The following PRKG1 variants were observed in gnomAD, a reference collection of about 807,000 sequenced individuals.
The protein encoded by PRKG1 is cGMP-dependent protein kinase 1.
PRKG1 carries 35 observed loss-of-function variants against 88.1 expected under a neutral mutation model. The ratio of observed to expected loss-of-function variants is 0.40; its 90% confidence interval spans 0.30 to 0.53. The LOEUF is 0.53. Ranked by LOEUF, PRKG1 falls within the 20% of genes least tolerant of loss-of-function variation. PRKG1 has a pLI of 0.59. For synonymous variants in PRKG1, 303 were observed against 292.5 expected, an observed-to-expected ratio of 1.04 and a Z score of -0.37; for missense variants, 540 against 839.8, an observed-to-expected ratio of 0.64 and a Z score of 4.41.
intron 9 of PRKG1, among the ~76,000 whole-genome samples, chr10:52,172,032 G>A (rs1469734797): frequency 6.6e-6 from 1 of 151,406 alleles, no homozygotes; most frequent in East Asian, 1.9e-4. Context: ...TCGATCTCCT[G>A]ACCTCATGAT....
At position 52,004,974 on chromosome 10, in the gene PRKG1, T is replaced by A. The variant is rs200682882; in HGVS notation, c.763-49510T>A. On this transcript the variant is annotated intron_variant, in intron 5 of 17. Transcript: ENST00000373980. ...TATGATTTTTTAAAAATTTAATCAT[T>A]ATCAATATGAGTTTGCCTAAATCCC... Among the ~76,000 whole-genome samples the A allele has an allele frequency of 2.0e-5, 3 of 152,180 alleles. No homozygotes were observed. In the East Asian group the frequency reaches 5.8e-4, roughly 29 times the overall value.
chr10:51,829,541 A>C (rs1839954493), intron 4 of PRKG1, among the ~76,000 whole-genome samples: 1 of 152,196 alleles, frequency 6.6e-6, no homozygotes, highest in African/African-American at 2.4e-5. Context: ...AATATTAGGA[A>C]ATTATTGTTA....
At chr10:52,185,783 C>A (rs968010520) in intron 9 of PRKG1, among the ~76,000 whole-genome samples, 1 of 152,202 alleles carries the variant, frequency 6.6e-6, no homozygotes, top group Non-Finnish European at 1.5e-5. Flanking sequence ...ACAGGGAAGC[C>A]ACCAGGGATT....
intron 1 of PRKG1, among the ~76,000 whole-genome samples, chr10:51,136,484 G>A (rs1395521760): frequency 2.0e-5 from 3 of 150,862 alleles, no homozygotes; most frequent in African/African-American, 7.3e-5. Flanking sequence ...TTAGAATAGA[G>A]CCCTGGGATC....
At chr10:51,980,934 C>T (rs1241091235) in intron 5 of PRKG1, among the ~76,000 whole-genome samples, 1 of 152,106 alleles carries the variant, frequency 6.6e-6, no homozygotes, top group Non-Finnish European at 1.5e-5. Context: ...CTTCTTTACC[C>T]AGCCTGCCAT....
chr10:51,627,941 CCTTTCTTT>C (rs1301471363), intron 3 of PRKG1, among the ~76,000 whole-genome samples: 1 of 25,072 alleles, frequency 4.0e-5, no homozygotes, highest in African/African-American at 9.5e-5. Flanking sequence ...TTCCTTCCTT[CCTTTCTTT>C]CTTTCTTTCT....
chr10:51,143,960 G>A (rs899323167), intron 1 of PRKG1, among the ~76,000 whole-genome samples: 2 of 151,920 alleles, frequency 1.3e-5, no homozygotes, highest in African/African-American at 4.8e-5. Flanking sequence ...TAACTGTAAA[G>A]AGGCTTTTTT....
chr10:51,541,735 GA>G (rs916740496), intron 3 of PRKG1, among the ~76,000 whole-genome samples: 4 of 147,996 alleles, frequency 2.7e-5, no homozygotes, highest in Admixed American at 6.8e-5. Context: ...TTTATTTTCA[GA>G]AAAAAAAACA....
At chr10:52,033,722 G>A (rs1440203258) in intron 5 of PRKG1, among the ~76,000 whole-genome samples, 1 of 152,124 alleles carries the variant, frequency 6.6e-6, no homozygotes. Context: ...TGTTTCTAGG[G>A]CTTCTACTAA....
At chr10:51,019,706 C>A (rs913586855) in intron 1 of PRKG1, among the ~76,000 whole-genome samples, 7 of 151,432 alleles carry the variant, frequency 4.6e-5, no homozygotes, top group Admixed American at 1.3e-4. Context: ...AGTAAAAAAA[C>A]CCCACAGAAT....
At chr10:51,944,175 A>T (rs1386602181) in intron 5 of PRKG1, among the ~76,000 whole-genome samples, 2 of 151,978 alleles carry the variant, frequency 1.3e-5, no homozygotes, top group African/African-American at 4.8e-5. Context: ...TTCCTGGTTT[A>T]GTCTTGGGAG....
At chr10:52,038,416 G>A (rs1845671594) in intron 5 of PRKG1, among the ~76,000 whole-genome samples, 1 of 151,964 alleles carries the variant, frequency 6.6e-6, no homozygotes, top group Non-Finnish European at 1.5e-5. Context: ...ACGGAAATAA[G>A]GGGTCGAGCA....
At chr10:51,053,298 C>G (rs1219653813) in intron 1 of PRKG1, among the ~76,000 whole-genome samples, 1 of 151,540 alleles carries the variant, frequency 6.6e-6, no homozygotes, top group Non-Finnish European at 1.5e-5. Context: ...ATTCTAAGCA[C>G]TAATTACTGT....
At chr10:51,492,466 A>G (rs1231429676) in intron 3 of PRKG1, among the ~76,000 whole-genome samples, 1 of 152,164 alleles carries the variant, frequency 6.6e-6, no homozygotes, top group East Asian at 1.9e-4. Flanking sequence ...GTGAAAGATA[A>G]GATGATTAAG....
At chr10:52,255,489 T>G (rs2132407497) in intron 10 of PRKG1, among the ~76,000 whole-genome samples, 1 of 152,150 alleles carries the variant, frequency 6.6e-6, no homozygotes, top group East Asian at 1.9e-4. Flanking sequence ...GCGGCAAACT[T>G]GGATAAAGCA....
At chr10:51,468,261 A>G (rs538264534) in intron 3 of PRKG1, among the ~76,000 whole-genome samples, 2 of 151,854 alleles carry the variant, frequency 1.3e-5, no homozygotes, top group African/African-American at 2.4e-5. Flanking sequence ...AAGAGAAGAA[A>G]TGTCCTTCAT....
intron 2 of PRKG1, among the ~76,000 whole-genome samples, chr10:51,352,734 C>A (rs1842277301): frequency 1.3e-5 from 2 of 151,924 alleles, no homozygotes; most frequent in African/African-American, 4.8e-5. Context: ...AATACTAATG[C>A]CGTCCTTCAT....
intron 7 of PRKG1, among the ~76,000 whole-genome samples, chr10:52,078,559 G>A (rs2133299545): frequency 6.6e-6 from 1 of 152,196 alleles, no homozygotes; most frequent in African/African-American, 2.4e-5. Context: ...GCACCTGAGA[G>A]GTAACAAAAA....
At chr10:51,788,523 A>G (rs1462711776) in intron 3 of PRKG1, among the ~76,000 whole-genome samples, 8 of 152,166 alleles carry the variant, frequency 5.3e-5, no homozygotes, top group African/African-American at 1.9e-4. Context: ...TTAGAGAATG[A>G]CATATAATTT....
Sources: allele counts gnomAD v4.1 joint callset (sites outside exome capture counted in the v4.1 genomes callset), GRCh38; gene constraint gnomAD v4.1.1; transcripts MANE v1.5; gene names NCBI Gene and HGNC (gene_info 2026-07-23, HGNC 2026-07-21).